Variants in KCNQ3 observed in about 807,000 individuals in gnomAD.
KCNQ3 encodes potassium voltage-gated channel subfamily KQT member 3.
A neutral mutation model predicts 92.5 loss-of-function variants in KCNQ3; 30 were observed. The observed-to-expected ratio is 0.32, with a 90% confidence interval of 0.24 to 0.44. The LOEUF is 0.44. Among genes scored for constraint, KCNQ3 ranks in the 20% least tolerant of loss-of-function variants. The probability of loss-of-function intolerance (pLI) is 1.00; values close to 1 mark genes in which losing one functional copy is unlikely to be tolerated. For missense variants in KCNQ3, 913 were observed against 1,140.3 expected (o/e 0.80, Z 2.87); for synonymous variants, 450 against 468.8 (o/e 0.96, Z 0.52).
intron 1 of KCNQ3, among the ~76,000 whole-genome samples, chr8:132,291,778 G>A (rs1168149846): frequency 6.6e-6 from 1 of 152,142 alleles, no homozygotes; most frequent in Non-Finnish European, 1.5e-5. Flanking sequence ...ATCTATAACT[G>A]CGTATTAGGA....
intron 1 of KCNQ3, among the ~76,000 whole-genome samples, chr8:132,401,382 C>CTTTT (rs34392139): frequency 1.3e-5 from 2 of 148,390 alleles, no homozygotes; most frequent in Non-Finnish European, 3.0e-5. Context: ...GAATAGAACA[C>CTTTT]TTTTTTTTTT....
chr8:132,331,270 C>A (rs2130661438), intron 1 of KCNQ3, among the ~76,000 whole-genome samples: 1 of 152,216 alleles, frequency 6.6e-6, no homozygotes, highest in South Asian at 2.1e-4. Flanking sequence ...TAATAAAGGC[C>A]CTGAGATTCA....
intron 4 of KCNQ3, among the ~76,000 whole-genome samples, chr8:132,179,874 AG>A (rs775243659): frequency 2.4e-4 from 37 of 152,138 alleles, no homozygotes; most frequent in Non-Finnish European, 4.6e-4. Context: ...GAGAAAACTG[AG>A]GGCCAAAGAG....
intron 1 of KCNQ3, among the ~76,000 whole-genome samples, chr8:132,406,899 G>A (rs907063387): frequency 6.6e-6 from 1 of 152,226 alleles, no homozygotes; most frequent in Non-Finnish European, 1.5e-5. Context: ...ACAATTTCAT[G>A]TGGTGGAAAG....
chr8:132,338,697 G>A (rs1488924607), intron 1 of KCNQ3, among the ~76,000 whole-genome samples: 5 of 152,170 alleles, frequency 3.3e-5, no homozygotes, highest in African/African-American at 4.8e-5. Context: ...GGAACACACC[G>A]GTTGTTTGTT....
intron 1 of KCNQ3, among the ~76,000 whole-genome samples, chr8:132,216,595 AT>A (rs1814037607): frequency 6.6e-6 from 1 of 152,150 alleles, no homozygotes; most frequent in Non-Finnish European, 1.5e-5. Context: ...GGGTTTCGAA[AT>A]TTTGATTGCA....
chr8:132,255,673 T>C (rs1445656013), intron 1 of KCNQ3, among the ~76,000 whole-genome samples: 1 of 152,198 alleles, frequency 6.6e-6, no homozygotes, highest in African/African-American at 2.4e-5. Flanking sequence ...TTATGCCCTG[T>C]CATGCACACA....
chr8:132,369,797 A>ATAAG (rs1819424213), intron 1 of KCNQ3, among the ~76,000 whole-genome samples: 1 of 152,226 alleles, frequency 6.6e-6, no homozygotes. Context: ...ACCTGGCATT[A>ATAAG]TAAGCTCCTT....
At chr8:132,464,015 T>C (rs976905285) in intron 1 of KCNQ3, among the ~76,000 whole-genome samples, 1 of 152,182 alleles carries the variant, frequency 6.6e-6, no homozygotes, top group Admixed American at 6.5e-5. Flanking sequence ...TGAAACCCTG[T>C]TTCTACTAAA....
intron 1 of KCNQ3, among the ~76,000 whole-genome samples, chr8:132,311,118 C>A (rs1035797619): frequency 6.6e-6 from 1 of 151,980 alleles, no homozygotes; most frequent in Non-Finnish European, 1.5e-5. Flanking sequence ...CTATTAGAGA[C>A]GGAGTTTTAC....
At chr8:132,355,529 A>C (rs981502822) in intron 1 of KCNQ3, among the ~76,000 whole-genome samples, 1 of 152,074 alleles carries the variant, frequency 6.6e-6, no homozygotes, top group African/African-American at 2.4e-5. Context: ...CTGGAAATTG[A>C]TGAGAGTTTA....
At chr8:132,285,662 C>T (rs1816658727) in intron 1 of KCNQ3, among the ~76,000 whole-genome samples, 1 of 152,148 alleles carries the variant, frequency 6.6e-6, no homozygotes, top group Non-Finnish European at 1.5e-5. Context: ...AAGGGTGTGG[C>T]CCAGAGACTG....
At chr8:132,235,500 CA>C (rs1200818641) in intron 1 of KCNQ3, among the ~76,000 whole-genome samples, 1 of 151,700 alleles carries the variant, frequency 6.6e-6, no homozygotes, top group African/African-American at 2.4e-5. Flanking sequence ...GACGCCATCT[CA>C]AAAAAAAGAA....
intron 1 of KCNQ3, among the ~76,000 whole-genome samples, chr8:132,432,095 T>G (rs2673593): frequency 0.29 from 44,353 of 152,038 alleles, 6,673 homozygotes; most frequent in African/African-American, 0.33. Flanking sequence ...AATTTGATGC[T>G]TGTCCAAAGT....
intron 1 of KCNQ3, among the ~76,000 whole-genome samples, chr8:132,205,859 A>G (rs1263589430): frequency 6.6e-6 from 1 of 152,168 alleles, no homozygotes; most frequent in Non-Finnish European, 1.5e-5. Context: ...AGGGCAGGAA[A>G]TATCTAGAAC....
At chr8:132,248,334 G>GTATATA (rs5895135) in intron 1 of KCNQ3, among the ~76,000 whole-genome samples, 20 of 144,180 alleles carry the variant, frequency 1.4e-4, no homozygotes, top group African/African-American at 2.5e-4. Context: ...TAGTCTATAA[G>GTATATA]TATATATATA....
At chr8:132,321,759 CT>C (rs1394285616) in intron 1 of KCNQ3, among the ~76,000 whole-genome samples, 2 of 152,188 alleles carry the variant, frequency 1.3e-5, no homozygotes, top group African/African-American at 4.8e-5. Flanking sequence ...TACCACACCC[CT>C]GTGCTTTGGC....
intron 1 of KCNQ3, among the ~76,000 whole-genome samples, chr8:132,468,535 G>C (rs1822231519): frequency 6.6e-6 from 1 of 152,240 alleles, no homozygotes; most frequent in South Asian, 2.1e-4. Context: ...ACCGGGTTTG[G>C]TGATTTGCAA....
At chr8:132,143,045 C>T (rs79199837) in intron 9 of KCNQ3, among the ~76,000 whole-genome samples, 2,876 of 152,212 alleles carry the variant, frequency 0.019, 94 homozygotes, top group African/African-American at 0.063. Context: ...GAAAAACAAA[C>T]GAGTGAATGA....
Sources: gnomAD v4.1 joint callset for allele counts (sites outside exome capture counted in the v4.1 genomes callset) on GRCh38, gnomAD v4.1.1 for gene constraint, MANE v1.5 for transcripts, NCBI Gene and HGNC (gene_info 2026-07-23, HGNC 2026-07-21) for gene names.